Variants in CENPT observed in about 807,000 individuals in gnomAD.
The protein encoded by CENPT is centromere protein T, also known as interphase centromere complex protein 22.
In CENPT, 42 loss-of-function variants were observed where a neutral mutation model predicts 59.7. That is an observed-to-expected ratio of 0.70 (90% CI 0.55 to 0.91). CENPT has a LOEUF of 0.91. CENPT is among the 40% of genes least tolerant of loss of function. The probability of loss-of-function intolerance (pLI) is 0.00; values close to 1 mark genes in which losing one functional copy is unlikely to be tolerated. For synonymous variants in CENPT, 295 were observed against 289.6 expected (o/e 1.02, Z -0.19); for missense variants, 716 against 713.4 (o/e 1.00, Z -0.04).
At position 67,834,049 on chromosome 16, in the gene CENPT, G is replaced by T. The variant is rs1367614222; in HGVS notation, c.-190C>A. On this transcript the variant is annotated 5_prime_UTR_variant, in exon 4 of 16. Transcript: ENST00000562787. ...GATGCTTTGGAGGCAGCCTCGCTGCGGGTAAACCTCGGTTAATGTAATGCA... is the reference window on the plus strand; with the variant it reads ...GATGCTTTGGAGGCAGCCTCGCTGCTGGTAAACCTCGGTTAATGTAATGCA... 6.2e-6 allele frequency: 3 copies of T among 487,008 alleles called. No homozygotes were observed. The highest frequency in any genetic ancestry group is 8.6e-5 in the Admixed American group (2 of 23,346). The allele number at this position is 487,008 out of a possible 1,614,324, so 30.2% of individuals were successfully genotyped here.
chr16:67,830,953 CA>C, intron 10 of CENPT: 1 of 547,500 alleles, frequency 1.8e-6, no homozygotes, highest in Non-Finnish European at 3.3e-6. Context: ...CCCCTCTCAA[CA>C]AGTTTTGGCC....
In CENPT at chr16:67,843,407, C is replaced by T. The variant is rs765858811; in HGVS notation, c.-492+3994G>A. 3.7e-6 allele frequency: 6 copies of T among 1,614,102 alleles called. No individual in the cohort carries two copies. Among genetic ancestry groups the T allele is most frequent in the Non-Finnish European group, 4.2e-6 (5 of 1,180,046 alleles). On this transcript the variant is annotated intron_variant, in intron 1 of 15. Coordinates refer to ENST00000562787, the MANE Select transcript of CENPT (RefSeq NM_025082.4). The surrounding 1 kb of genome is among the most constrained non-coding windows in gnomAD (Gnocchi z 5.7). ...AGAGATGAAAGGCAGCATTCGCCAC[C>T]TGCGTCTCACTGAGGCCAAGCTGCG...
chr16:67,829,705 T>C (rs2057663329), intron 12 of CENPT, 60 bp downstream of exon 12: 4 of 1,548,094 alleles, frequency 2.6e-6, no homozygotes, highest in African/African-American at 1.4e-5. Context: ...ACAAGGCCTT[T>C]CTGTGTGCTA....
chr16:67,828,903 G>A, intron 13 of CENPT, 60 bp from the exon 14 acceptor site: 2 of 1,508,982 alleles, frequency 1.3e-6, no homozygotes, highest in Non-Finnish European at 1.8e-6. Context: ...TTATTCAAGA[G>A]CAAGTCTTGC....
At position 67,833,825 on chromosome 16, in the gene CENPT, G is replaced by C; in HGVS notation, c.35C>G (p.Pro12Arg). The change falls in exon 4 of 16, where the codon CCG becomes CGG. Residue 12 changes from proline (P) to arginine (R), a missense_variant. Coordinates refer to ENST00000562787, the MANE Select transcript of CENPT (RefSeq NM_025082.4). ...CAGCACGCGTCGCAGCAGCGTGCGC[G>C]GCGTGGAGTCGCTGTCAGGGTTGTG... is the stretch of plus-strand genomic sequence containing the variant. ...ADHNPDSDST[P>R]RTLLRRVLDT... 6.4e-7 allele frequency: 1 copy of C among 1,574,372 alleles called. No individual in the cohort carries two copies. Among genetic ancestry groups the C allele is most frequent in the Non-Finnish European group, 8.6e-7 (1 of 1,162,572 alleles).
chr16:67,839,437 G>A (rs1171910614), intron 1 of CENPT, among the ~76,000 whole-genome samples: 3 of 151,104 alleles, frequency 2.0e-5, no homozygotes, highest in African/African-American at 4.9e-5. Context: ...GTGCACACCT[G>A]TAATCCCAGT....
intron 1 of CENPT, among the ~76,000 whole-genome samples, chr16:67,840,069 C>A (rs941172710): frequency 6.6e-6 from 1 of 152,188 alleles, no homozygotes; most frequent in Admixed American, 6.5e-5. Context: ...GTAATCCCAG[C>A]ACTTTGGGAG....
At position 67,843,306 on chromosome 16, in the gene CENPT, G is replaced by A; in HGVS notation, c.-492+4095C>T. ...GACCATTCGTACTCCTTGTCGTCAG[G>A]CACCACGGAGGAGGAGCTCCTGCGC... On this transcript the variant is annotated intron_variant, in intron 1 of 15. Coordinates refer to ENST00000562787, the MANE Select transcript of CENPT (RefSeq NM_025082.4). The surrounding 1 kb of genome is among the most constrained non-coding windows in gnomAD (Gnocchi z 5.7). 1 of 1,613,838 alleles carries A rather than the reference G, an allele frequency of 6.2e-7. No individual in the cohort carries two copies. The highest frequency in any genetic ancestry group is 8.5e-7 in the Non-Finnish European group (1 of 1,180,024).
chr16:67,831,640 A>C, intron 8 of CENPT, 28 bp from the exon 9 acceptor site: 1 of 1,613,872 alleles, frequency 6.2e-7, no homozygotes, highest in Non-Finnish European at 8.5e-7. Context: ...GAGAATGTAA[A>C]AGAAGAAAAC....
chr16:67,838,090 G>A (rs1403442907), intron 1 of CENPT, among the ~76,000 whole-genome samples: 2 of 152,180 alleles, frequency 1.3e-5, no homozygotes, highest in Non-Finnish European at 2.9e-5. Context: ...TGGAGGTGGG[G>A]AGAAAGCCAT....
In CENPT at chr16:67,828,201, A is replaced by G. The variant is rs1185750849; in HGVS notation, c.*66T>C. The G allele has an allele frequency of 5.6e-5, 85 of 1,519,016 alleles. No homozygotes were observed. Among genetic ancestry groups the G allele is most frequent in the Non-Finnish European group, 8.0e-6 (9 of 1,131,664 alleles). The allele number at this position is 1,519,016 out of a possible 1,614,324, so 94.1% of individuals were successfully genotyped here. A position where few individuals can be genotyped will look rare whatever the true frequency, so the allele number is the denominator to read the frequency against. On this transcript the variant is annotated 3_prime_UTR_variant, in exon 16 of 16. Transcript: ENST00000562787. ...TTGATGCTGGGGGGGTGGGGAGGAG[A>G]CCTGGAGAAATATGTGGGGGCAAGA...
chr16:67,831,897 G>C lies in CENPT; in HGVS notation c.387-7C>G. On this transcript the variant is annotated splice_polypyrimidine_tract_variant and splice_region_variant and intron_variant, in intron 7 of 15. Transcript: ENST00000562787. Reference sequence around the variant, plus strand: ...AGGAAGTTGCAGCTCCAGGCTATAAGAATGGAGCTTATCTCAGACAGGCCA... The same window carrying C: ...AGGAAGTTGCAGCTCCAGGCTATAACAATGGAGCTTATCTCAGACAGGCCA... The C allele has an allele frequency of 1.9e-6, 3 of 1,610,698 alleles. No homozygotes were observed. The highest frequency in any genetic ancestry group is 2.5e-6 in the Non-Finnish European group (3 of 1,179,048).
intron 1 of CENPT, among the ~76,000 whole-genome samples, chr16:67,838,715 C>T (rs2151288008): frequency 6.6e-6 from 1 of 150,936 alleles, no homozygotes; most frequent in East Asian, 2.0e-4. Context: ...ATCATGAGGT[C>T]AGGAGGTCAA....
At position 67,843,581 on chromosome 16, in the gene CENPT, C is replaced by T; in HGVS notation, c.-492+3820G>A. The T allele has an allele frequency of 5.7e-6, 8 of 1,393,828 alleles. No individual in the cohort carries two copies. In the East Asian group the frequency reaches 7.2e-5, roughly 12 times the overall value. 86.3% of individuals were successfully genotyped at this position (1,393,828 alleles called of 1,614,324 possible). On this transcript the variant is annotated intron_variant, in intron 1 of 15. Coordinates refer to ENST00000562787, the MANE Select transcript of CENPT (RefSeq NM_025082.4). The surrounding 1 kb of genome is among the most constrained non-coding windows in gnomAD (Gnocchi z 5.7). ...GGCCATTGTTGAACTCCTCTATACT[C>T]CTGGGCACTGGTTGACAGTACTGAG...
Position 67,846,862 on chromosome 16 carries a change from G to A in CENPT, c.-492+539C>T, listed in dbSNP as rs574531176. 2 of 152,420 alleles carry A rather than the reference G, an allele frequency of 1.3e-5. 1 individual carries two copies. Among genetic ancestry groups the A allele is most frequent in the Admixed American group, 1.3e-4 (2 of 15,300 alleles). The allele number at this position is 152,420 out of a possible 1,614,324, so 9.4% of individuals were successfully genotyped here. ...GGCGCGCTCATGCCGGAAAGGGGGG[G>A]CGGTGGGACTGCGTCTCCCAGAGTG... On this transcript the variant is annotated intron_variant, in intron 1 of 15. Coordinates refer to ENST00000562787, the MANE Select transcript of CENPT (RefSeq NM_025082.4).
chr16:67,837,160 G>C (rs1029115969), intron 1 of CENPT, among the ~76,000 whole-genome samples: 1 of 151,518 alleles, frequency 6.6e-6, no homozygotes. Flanking sequence ...GTGAGCCACC[G>C]TGCCTTGCCT....
At position 67,842,133 on chromosome 16, in the gene CENPT, T is replaced by C. The variant is rs749159719; in HGVS notation, c.-492+5268A>G. ...CAGTCCAGGCGACAGCGTTCCAACCTAATACGCCTCTCTCGCCCGCCGGGG... is the reference window on the plus strand; with the variant it reads ...CAGTCCAGGCGACAGCGTTCCAACCCAATACGCCTCTCTCGCCCGCCGGGG... On this transcript the variant is annotated intron_variant, in intron 1 of 15. Coordinates refer to ENST00000562787, the MANE Select transcript of CENPT (RefSeq NM_025082.4). This position sits in a 1 kb window ranked among gnomAD's most constrained non-coding sequence, Gnocchi z 4.9. 109 of 152,460 alleles carry C rather than the reference T, an allele frequency of 7.1e-4. No individual in the cohort carries two copies. Among genetic ancestry groups the C allele is most frequent in the Non-Finnish European group, 8.1e-4 (55 of 68,182 alleles). 9.4% of individuals were successfully genotyped at this position (152,460 alleles called of 1,614,324 possible). A position where few individuals can be genotyped will look rare whatever the true frequency, so the allele number is the denominator to read the frequency against.
At position 67,828,820 on chromosome 16, in the gene CENPT, G is replaced by A. The variant is rs778275874; in HGVS notation, c.1304C>T (p.Pro435Leu). ...AAVLSSEPAEPLLVRHPPRPR... is the reference protein window; with the variant it reads ...AAVLSSEPAELLLVRHPPRPR... ...CCTAGGGGGATGCCTGACCAACAGA[G>A]GCTCTGCAGGCTCTGAAGATAAGCT... Residue 435 changes from proline (P) to leucine (L), a missense_variant, in exon 14 of 16, where the codon CCT becomes CTT. By Grantham distance (98) the Pro-to-Leu change is moderately conservative (BLOSUM62 -3). Coordinates refer to ENST00000562787, the MANE Select transcript of CENPT (RefSeq NM_025082.4). 14 of 1,584,630 alleles carry A rather than the reference G, an allele frequency of 8.8e-6. No individual in the cohort carries two copies. The African/African-American group carries it at 1.4e-4, about 16-fold the overall frequency.
chr16:67,832,207 G>A (rs370562425), intron 6 of CENPT, 21 bp downstream of exon 6: 110 of 1,613,072 alleles, frequency 6.8e-5, no homozygotes, highest in East Asian at 1.3e-4. Context: ...AACTCTGACC[G>A]GCAGGCCAGC....
Sources: gnomAD v4.1 joint callset for allele counts (sites outside exome capture counted in the v4.1 genomes callset) on GRCh38, gnomAD v4.1.1 for gene constraint, Gnocchi (gnomAD v3.1) non-coding constraint, MANE v1.5 for transcripts, NCBI Gene and HGNC (gene_info 2026-07-23, HGNC 2026-07-21) for gene names.